Variants in CRHR2 observed in about 807,000 individuals in gnomAD.
The protein encoded by CRHR2 is corticotropin releasing hormone receptor 2.
Under a neutral mutation model 57.9 loss-of-function variants are expected in CRHR2, and 53 were observed. That is an observed-to-expected ratio of 0.92 (90% CI 0.73 to 1.15). The LOEUF (loss-of-function observed/expected upper bound fraction) is 1.15, where lower values mean the gene tolerates loss of function less well. Ranked by LOEUF, CRHR2 falls within the 50% of genes most tolerant of loss-of-function variation. The pLI, the probability that CRHR2 is intolerant of heterozygous loss-of-function variation, is 0.00. For synonymous variants in CRHR2, 213 were observed against 220.9 expected (o/e 0.96, Z 0.32); for missense variants, 532 against 542.6 (o/e 0.98, Z 0.19).
intron 2 of CRHR2, among the ~76,000 whole-genome samples, 176 bp downstream of exon 2, chr7:30,681,739 G>C (rs1399675781): frequency 6.6e-6 from 1 of 152,224 alleles, no homozygotes; most frequent in Non-Finnish European, 1.5e-5. Flanking sequence ...ACGCTGTATT[G>C]GGGGTAGAAG....
chr7:30,693,014 G>A (rs1226190024), intron 1 of CRHR2, among the ~76,000 whole-genome samples: 1 of 152,218 alleles, frequency 6.6e-6, no homozygotes, highest in African/African-American at 2.4e-5. Flanking sequence ...TGGCTGTGGG[G>A]CTCAGGAGGC....
Position 30,665,239 on chromosome 7 carries a change from T to A in CRHR2, c.426-52A>T, listed in dbSNP as rs1391153358. 1.3e-6 allele frequency: 2 copies of A among 1,506,836 alleles called. No individual in the cohort carries two copies. The highest frequency in any genetic ancestry group is 1.4e-5 in the African/African-American group (1 of 72,864). The allele number at this position is 1,506,836 out of a possible 1,614,324, so 93.3% of individuals were successfully genotyped here. The stretch of plus-strand genomic sequence containing the variant: ...GCCAGGTTCAGGGGTCAACTGGGAC[T>A]GGGTTCCCCCTGAGGCCAGGTAGAG... On this transcript the variant is annotated intron_variant, in intron 4 of 11. Transcript: ENST00000471646. This position sits in a 1 kb window ranked among gnomAD's most constrained non-coding sequence, Gnocchi z 4.5.
intron 2 of CRHR2, among the ~76,000 whole-genome samples, chr7:30,674,222 A>G (rs1254794717): frequency 1.3e-5 from 2 of 152,180 alleles, no homozygotes; most frequent in Admixed American, 6.5e-5. Context: ...TGAAAAAGGG[A>G]AGGGGGAGTG....
chr7:30,658,328 A>G (rs868556532), intron 8 of CRHR2, among the ~76,000 whole-genome samples: 13 of 152,074 alleles, frequency 8.5e-5, no homozygotes, highest in Non-Finnish European at 1.6e-4. Flanking sequence ...CATTCATTCA[A>G]TGAATCAATG....
At chr7:30,688,759 G>A in intron 2 of CRHR2, 1 of 455,866 alleles carries the variant, frequency 2.2e-6, no homozygotes, top group South Asian at 1.6e-5. Flanking sequence ...TCAGCCACTG[G>A]AAACCTCTGA....
At chr7:30,679,143 C>T (rs1227721292) in intron 2 of CRHR2, among the ~76,000 whole-genome samples, 4 of 152,246 alleles carry the variant, frequency 2.6e-5, no homozygotes, top group Non-Finnish European at 2.9e-5. Flanking sequence ...CTCTCCTGTG[C>T]CTATTACACT....
upstream of CRHR2, chr7:30,686,336 C>T (rs1784855781): frequency 6.8e-7 from 1 of 1,469,706 alleles, no homozygotes; most frequent in Admixed American, 2.4e-5. Flanking sequence ...CCCCAGCACC[C>T]ATTGGAATGC....
In CRHR2 at chr7:30,653,442, AG is replaced by A; in HGVS notation, c.*17del. On this transcript the variant is annotated 3_prime_UTR_variant, in exon 12 of 12. Coordinates refer to ENST00000471646, the MANE Select transcript of CRHR2 (RefSeq NM_001883.5). The surrounding 1 kb of genome is among the most constrained non-coding windows in gnomAD (Gnocchi z 5.0). ...GTGGAGGAGGACAGGGGAGCTGTGC[AG>A]GTGGGCGACCGAGGGGTCACACAGC... is the stretch of plus-strand genomic sequence containing the variant. 6.2e-7 allele frequency: 1 copy of A among 1,611,200 alleles called. No homozygotes were observed. The highest frequency in any genetic ancestry group is 8.5e-7 in the Non-Finnish European group (1 of 1,178,684).
chr7:30,697,918 C>T (rs1584149026), intron 1 of CRHR2: 1 of 152,492 alleles, frequency 6.6e-6, no homozygotes, highest in East Asian at 1.9e-4. Context: ...TAAACACAGA[C>T]TCCTTTCTTT....
chr7:30,654,410 C>G (rs1783695906), intron 11 of CRHR2, among the ~76,000 whole-genome samples: 1 of 152,226 alleles, frequency 6.6e-6, no homozygotes, highest in African/African-American at 2.4e-5. Flanking sequence ...CGCCAGTGCC[C>G]TGTGCAGAGA....
intron 1 of CRHR2, among the ~76,000 whole-genome samples, chr7:30,696,723 CA>C (rs1785064334): frequency 6.6e-6 from 1 of 151,256 alleles, no homozygotes; most frequent in Non-Finnish European, 1.5e-5. Flanking sequence ...GACTCCATCT[CA>C]AAAAAATAAA....
intron 3 of CRHR2, among the ~76,000 whole-genome samples, chr7:30,666,531 G>A (rs1784189207): frequency 6.6e-6 from 1 of 152,230 alleles, no homozygotes; most frequent in South Asian, 2.1e-4. Context: ...TGCCCATTGA[G>A]TGGCCTCCCT....
chr7:30,657,066 C>T (rs751063481), intron 8 of CRHR2, among the ~76,000 whole-genome samples: 3 of 150,354 alleles, frequency 2.0e-5, no homozygotes, highest in African/African-American at 7.4e-5. Context: ...TCTGCTGGCT[C>T]GTGTGCACAC....
Position 30,678,277 on chromosome 7 carries a change from A to T in CRHR2, c.229+3638T>A, listed in dbSNP as rs569826525. The stretch of plus-strand genomic sequence containing the variant: ...TCCTTGTTCTGTTACAAGTGACTTC[A>T]TTGCTCCACACCTCAGTTTCCCCAT... On this transcript the variant is annotated intron_variant, in intron 2 of 11. Transcript: ENST00000471646. Among the ~76,000 whole-genome samples, 7 of 152,332 alleles carry T rather than the reference A, an allele frequency of 4.6e-5. No homozygotes were observed. In the East Asian group the frequency reaches 1.3e-3, roughly 29 times the overall value.
intron 1 of CRHR2, among the ~76,000 whole-genome samples, chr7:30,694,423 C>T (rs970341246): frequency 6.6e-6 from 1 of 152,208 alleles, no homozygotes; most frequent in Non-Finnish European, 1.5e-5. Context: ...AGAACCTGTG[C>T]CCGGGGCCCC....
At chr7:30,694,515 C>G (rs1205177049) in intron 1 of CRHR2, among the ~76,000 whole-genome samples, 1 of 152,214 alleles carries the variant, frequency 6.6e-6, no homozygotes, top group Non-Finnish European at 1.5e-5. Flanking sequence ...GGCGACAAAG[C>G]TTCTGTCTAA....
At position 30,659,499 on chromosome 7, in the gene CRHR2, G is replaced by A. The variant is rs552102249; in HGVS notation, c.831+1074C>T. 4.5e-4 allele frequency among the ~76,000 whole-genome samples: 68 copies of A among 152,292 alleles called. 1 individual carries two copies. The highest frequency in any genetic ancestry group is 1.6e-3 in the African/African-American group (66 of 41,566). ...ATGGGGTTTCCATACACACTGAGGG[G>A]TGAGTGACTCACTGCAGCTGGGAGT... On this transcript the variant is annotated intron_variant, in intron 8 of 11. Transcript: ENST00000471646.
chr7:30,672,820 T>A (rs1784407401), intron 2 of CRHR2, among the ~76,000 whole-genome samples: 1 of 152,166 alleles, frequency 6.6e-6, no homozygotes, highest in African/African-American at 2.4e-5. Flanking sequence ...TCCTTGGGAA[T>A]TAGGAAGGAA....
chr7:30,694,594 C>T (rs149177921), intron 1 of CRHR2, among the ~76,000 whole-genome samples: 202 of 152,246 alleles, frequency 1.3e-3, no homozygotes, highest in Non-Finnish European at 1.2e-3. Context: ...TGCCAGGGAC[C>T]GGAGGGGAAT....
Sources: allele counts gnomAD v4.1 joint callset (sites outside exome capture counted in the v4.1 genomes callset), GRCh38; gene constraint gnomAD v4.1.1; non-coding constraint Gnocchi (gnomAD v3.1); transcripts MANE v1.5; gene names NCBI Gene and HGNC (gene_info 2026-07-23, HGNC 2026-07-21).